The following RALYL variants were observed in gnomAD, a reference collection of about 807,000 sequenced individuals.
RALYL encodes the protein RALY RNA binding protein like, also known as RNA-binding Raly-like protein.
A neutral mutation model predicts 35.1 loss-of-function variants in RALYL; 29 were observed. The observed-to-expected ratio is 0.83, with a 90% CI of 0.61 to 1.13. The LOEUF is 1.13. RALYL is among the 50% of genes most tolerant of loss of function. RALYL has a pLI of 0.00. For synonymous variants in RALYL, 120 were observed against 127.6 expected (o/e 0.94, Z 0.40); for missense variants, 359 against 360.4 (o/e 1.00, Z 0.03).
rs895649164 is a variant in RALYL at position 84,618,076 on chromosome 8, C to T, written c.256+88499C>T. On this transcript the variant is annotated intron_variant, in intron 2 of 8. Transcript: ENST00000521268. The stretch of plus-strand genomic sequence containing the variant: ...TCTCTTTTTTGGTTGTGTCTCTGCC[C>T]GGCTTTGGTATCAGAGTGATGCTGG... Among the ~76,000 whole-genome samples, 129 of 151,700 alleles carry T rather than the reference C, an allele frequency of 8.5e-4. 1 individual carries two copies. Among genetic ancestry groups the T allele is most frequent in the Middle Eastern group, 3.4e-3 (1 of 294 alleles).
intron 2 of RALYL, among the ~76,000 whole-genome samples, chr8:84,701,790 C>G (rs1189335706): frequency 6.6e-6 from 1 of 152,182 alleles, no homozygotes; most frequent in African/African-American, 2.4e-5. Context: ...CTGCAGTCAA[C>G]TGGATTCACC....
chr8:84,619,719 C>T (rs1409982310), intron 2 of RALYL, among the ~76,000 whole-genome samples: 5 of 151,634 alleles, frequency 3.3e-5, no homozygotes, highest in Admixed American at 2.0e-4. Flanking sequence ...CATGATTTTG[C>T]AGCAGCTGGT....
At chr8:84,350,429 C>CTTTATTTTTCTTGT (rs1478040254) in intron 1 of RALYL, among the ~76,000 whole-genome samples, 1 of 150,402 alleles carries the variant, frequency 6.6e-6, no homozygotes, top group Non-Finnish European at 1.5e-5. Flanking sequence ...ATTTAGTTTG[C>CTTTATTTTTCTTGT]TTTATTTTTC....
intron 1 of RALYL, among the ~76,000 whole-genome samples, chr8:84,511,481 A>G (rs914965585): frequency 1.3e-5 from 2 of 152,202 alleles, no homozygotes; most frequent in African/African-American, 2.4e-5. Flanking sequence ...ATACATGTGT[A>G]CAATGTTTAA....
chr8:84,747,183 G>A (rs918019699), intron 2 of RALYL, among the ~76,000 whole-genome samples: 1 of 151,670 alleles, frequency 6.6e-6, no homozygotes, highest in Non-Finnish European at 1.5e-5. Flanking sequence ...TAAACAGAAG[G>A]CATGATTGTT....
chr8:84,339,245 C>G (rs183199843), intron 1 of RALYL, among the ~76,000 whole-genome samples: 1 of 152,060 alleles, frequency 6.6e-6, no homozygotes, highest in African/African-American at 2.4e-5. Context: ...GGCCATGAAC[C>G]AGTACCAGTT....
At chr8:84,430,027 A>C (rs1036380605) in intron 1 of RALYL, among the ~76,000 whole-genome samples, 1 of 151,856 alleles carries the variant, frequency 6.6e-6, no homozygotes, top group Non-Finnish European at 1.5e-5. Flanking sequence ...AAAAAAAAAG[A>C]GTTCCATTTT....
chr8:84,456,626 A>G (rs2050171715), intron 1 of RALYL, among the ~76,000 whole-genome samples: 1 of 152,048 alleles, frequency 6.6e-6, no homozygotes, highest in South Asian at 2.1e-4. Context: ...TTAATTCAAC[A>G]GATAATCATT....
At chr8:84,221,804 G>A (rs920273108) in intron 1 of RALYL, among the ~76,000 whole-genome samples, 1 of 151,958 alleles carries the variant, frequency 6.6e-6, no homozygotes, top group African/African-American at 2.4e-5. Context: ...AGGTTCACTG[G>A]AATAAAAATG....
chr8:84,605,195 G>A (rs868236912), intron 2 of RALYL, among the ~76,000 whole-genome samples: 1 of 151,848 alleles, frequency 6.6e-6, no homozygotes, highest in East Asian at 1.9e-4. Flanking sequence ...CTTCATTTGA[G>A]GATTTTCAAT....
chr8:84,426,436 CTCTG>C lies in RALYL; in HGVS notation c.-23-102861_-23-102858del, dbSNP rs1458993673. 5.4e-3 allele frequency among the ~76,000 whole-genome samples: 708 copies of C among 130,952 alleles called. 6 individuals carry two copies. Among genetic ancestry groups the C allele is most frequent in the African/African-American group, 0.018 (649 of 36,422 alleles). The allele number at this position is 130,952 out of a possible 152,430, so 85.9% of individuals were successfully genotyped here. A position where few individuals can be genotyped will look rare whatever the true frequency, so the allele number is the denominator to read the frequency against. The stretch of plus-strand genomic sequence containing the variant: ...CTACTCTTTTGCGTTCTCTCTCTCT[CTCTG>C]TGTGTGTGTGTGTGTGTGTGTGTGT... On this transcript the variant is annotated intron_variant, in intron 1 of 8. Transcript: ENST00000521268.
At chr8:84,679,921 T>C (rs1413778781) in intron 2 of RALYL, 6 of 326,006 alleles carry the variant, frequency 1.8e-5, no homozygotes, top group Middle Eastern at 1.1e-3. Flanking sequence ...TACATGTATA[T>C]ACATGTGCCA....
intron 2 of RALYL, among the ~76,000 whole-genome samples, chr8:84,568,627 C>G (rs1458361852): frequency 7.1e-6 from 1 of 140,260 alleles, no homozygotes; most frequent in African/African-American, 2.7e-5. Context: ...AATCGCCACA[C>G]TGACTTCCAC....
rs188360892 is a variant in RALYL at position 84,302,597 on chromosome 8, G to T, written c.-24+118173G>T. ...AAGAGCAAGGTCGTACATCTTGGGA[G>T]ATGGAATCTTGATTTGATCCTCAAG... On this transcript the variant is annotated intron_variant, in intron 1 of 8. Transcript: ENST00000521268. 4.6e-5 allele frequency among the ~76,000 whole-genome samples: 7 copies of T among 152,304 alleles called. No individual in the cohort carries two copies. In the East Asian group the frequency reaches 1.4e-3, roughly 29 times the overall value.
At chr8:84,710,859 T>C (rs907952287) in intron 2 of RALYL, among the ~76,000 whole-genome samples, 7 of 152,154 alleles carry the variant, frequency 4.6e-5, no homozygotes, top group African/African-American at 1.7e-4. Flanking sequence ...GCTATAGCAA[T>C]GAGCAAAACA....
At chr8:84,425,093 T>A (rs951862921) in intron 1 of RALYL, among the ~76,000 whole-genome samples, 2 of 152,232 alleles carry the variant, frequency 1.3e-5, no homozygotes, top group Non-Finnish European at 1.5e-5. Flanking sequence ...TCGAGCTTCC[T>A]AGCTGCTTTG....
intron 2 of RALYL, among the ~76,000 whole-genome samples, chr8:84,724,008 C>T (rs1035904665): frequency 1.3e-5 from 2 of 151,656 alleles, no homozygotes; most frequent in African/African-American, 2.4e-5. Flanking sequence ...ATAGTAGGAT[C>T]TCAGTGAGTA....
chr8:84,747,108 A>G (rs1808782493), intron 2 of RALYL, among the ~76,000 whole-genome samples: 2 of 151,934 alleles, frequency 1.3e-5, no homozygotes, highest in Non-Finnish European at 2.9e-5. Flanking sequence ...ATGTCCAGTT[A>G]AAATTAGACT....
intron 1 of RALYL, among the ~76,000 whole-genome samples, chr8:84,525,515 G>A (rs1177696686): frequency 6.6e-6 from 1 of 151,808 alleles, no homozygotes; most frequent in Non-Finnish European, 1.5e-5. Flanking sequence ...TTAGATCTGT[G>A]GGATTATCAT....
Sources: gnomAD v4.1 joint callset for allele counts (sites outside exome capture counted in the v4.1 genomes callset) on GRCh38, gnomAD v4.1.1 for gene constraint, MANE v1.5 for transcripts, NCBI Gene and HGNC (gene_info 2026-07-23, HGNC 2026-07-21) for gene names.